The following ZC3H13 variants were observed in gnomAD, a reference collection of about 807,000 sequenced individuals.
ZC3H13 encodes zinc finger CCCH domain-containing protein 13.
In ZC3H13, 64 loss-of-function variants were observed where a neutral mutation model predicts 204.1. The ratio of observed to expected loss-of-function variants is 0.31; its 90% CI spans 0.26 to 0.39. The LOEUF is 0.39. Among genes scored for constraint, ZC3H13 ranks in the 10% least tolerant of loss-of-function variants. The pLI, the probability that ZC3H13 is intolerant of heterozygous loss-of-function variation, is 1.00. For synonymous variants in ZC3H13, 667 were observed against 693.7 expected (o/e 0.96, Z 0.60); for missense variants, 1,833 against 2,082.7 (o/e 0.88, Z 2.33).
At chr13:46,035,381 C>G (rs1186366530) in intron 4 of ZC3H13, among the ~76,000 whole-genome samples, 2 of 152,172 alleles carry the variant, frequency 1.3e-5, no homozygotes, top group Non-Finnish European at 2.9e-5. Context: ...TGTTTTACAT[C>G]AAGGAATAGC....
chr13:45,998,489 C>CA lies in ZC3H13; in HGVS notation c.944+4649dup, dbSNP rs879538790. 3.6e-3 allele frequency among the ~76,000 whole-genome samples: 531 copies of CA among 147,892 alleles called. 2 individuals are homozygous for CA. Among genetic ancestry groups the CA allele is most frequent in the Non-Finnish European group, 4.3e-3 (285 of 66,676 alleles). On this transcript the variant is annotated intron_variant, in intron 8 of 18. Coordinates refer to ENST00000679008, the MANE Select transcript of ZC3H13 (RefSeq NM_001330564.2). ...TGAAACCCCATCTCTACTAAAAATA[C>CA]AAAAAAAAAATTAGCTGGGCGTGGT... is the stretch of plus-strand genomic sequence containing the variant.
intron 4 of ZC3H13, among the ~76,000 whole-genome samples, chr13:46,027,420 T>C (rs1321441705): frequency 4.6e-5 from 7 of 152,242 alleles, no homozygotes; most frequent in Non-Finnish European, 8.8e-5. Flanking sequence ...CTGTGTCTGG[T>C]GAGATTTCTT....
intron 7 of ZC3H13, 87 bp downstream of exon 7, chr13:46,010,261 A>G: frequency 7.7e-7 from 1 of 1,303,328 alleles, no homozygotes; most frequent in Non-Finnish European, 1.0e-6. Context: ...AAAATGTACT[A>G]AAAGTACCCT....
At chr13:45,978,130 G>C (rs960696116) in intron 11 of ZC3H13, among the ~76,000 whole-genome samples, 4 of 152,044 alleles carry the variant, frequency 2.6e-5, no homozygotes, top group African/African-American at 9.7e-5. Context: ...TCTTTAGGCA[G>C]CTTTCTTGGA....
chr13:45,967,993 T>A lies in ZC3H13; in HGVS notation c.3832A>T (p.Ser1278Cys). 1 of 1,610,394 alleles carries A rather than the reference T, an allele frequency of 6.2e-7. No individual in the cohort carries two copies. The highest frequency in any genetic ancestry group is 8.5e-7 in the Non-Finnish European group (1 of 1,178,632). The change falls in exon 15 of 19, where the codon AGT becomes TGT. Residue 1278 changes from serine (S) to cysteine (C), a missense_variant. Transcript: ENST00000679008. ...QDSRSHSSRR[S>C]SPESDRQVHS... Reference sequence around the variant, plus strand: ...ACCTGTCGATCTGACTCTGGAGAACTTCTTCTTGAACTATGGCTTCTTGAA... The same window carrying A: ...ACCTGTCGATCTGACTCTGGAGAACATCTTCTTGAACTATGGCTTCTTGAA...
intron 4 of ZC3H13, among the ~76,000 whole-genome samples, chr13:46,023,922 G>C (rs1471604857): frequency 2.6e-5 from 4 of 152,172 alleles, no homozygotes; most frequent in Non-Finnish European, 5.9e-5. Context: ...CCTTCCTTCA[G>C]AGTGACTAGG....
chr13:46,010,910 A>G (rs1224652335), intron 6 of ZC3H13, among the ~76,000 whole-genome samples: 1 of 152,084 alleles, frequency 6.6e-6, no homozygotes, highest in African/African-American at 2.4e-5. Flanking sequence ...ATAAAAATAA[A>G]AATAATAAAA....
intron 18 of ZC3H13, among the ~76,000 whole-genome samples, chr13:45,958,760 T>A (rs187016586): frequency 1.1e-4 from 16 of 150,382 alleles, no homozygotes; most frequent in Admixed American, 3.3e-4. Flanking sequence ...GTTTACGCCA[T>A]TCTCCTGCCT....
intron 1 of ZC3H13, among the ~76,000 whole-genome samples, chr13:46,051,707 C>G (rs2044434071): frequency 6.6e-6 from 1 of 152,226 alleles, no homozygotes; most frequent in African/African-American, 2.4e-5. Flanking sequence ...CCATAATTTT[C>G]AAAGTAGTTC....
At chr13:46,014,259 C>A (rs1288677267) in intron 5 of ZC3H13, among the ~76,000 whole-genome samples, 3 of 151,858 alleles carry the variant, frequency 2.0e-5, no homozygotes, top group Non-Finnish European at 4.4e-5. Flanking sequence ...GTGGTTTGTA[C>A]CTATAGGTAC....
At chr13:46,015,141 C>T (rs865848950) in intron 5 of ZC3H13, among the ~76,000 whole-genome samples, 1 of 152,130 alleles carries the variant, frequency 6.6e-6, no homozygotes, top group Non-Finnish European at 1.5e-5. Context: ...CTCCAAAACT[C>T]CTTTACCAAT....
intron 15 of ZC3H13, among the ~76,000 whole-genome samples, chr13:45,966,115 C>T (rs1287848128): frequency 6.6e-6 from 1 of 152,082 alleles, no homozygotes; most frequent in Admixed American, 6.6e-5. Context: ...TTTTCAACCA[C>T]CTATGCTAAA....
chr13:46,043,965 C>A (rs2043765049), intron 3 of ZC3H13, among the ~76,000 whole-genome samples: 1 of 151,790 alleles, frequency 6.6e-6, no homozygotes, highest in African/African-American at 2.4e-5. Context: ...CAAGTAAACA[C>A]ACATATACAA....
intron 4 of ZC3H13, among the ~76,000 whole-genome samples, chr13:46,028,895 C>T (rs2042704716): frequency 6.6e-6 from 1 of 151,658 alleles, no homozygotes; most frequent in Non-Finnish European, 1.5e-5. Context: ...TAGAAAACAA[C>T]AAAAAGAACA....
intron 12 of ZC3H13, 107 bp from the exon 13 acceptor site, chr13:45,970,572 G>C (rs1952503796): frequency 1.2e-6 from 1 of 847,848 alleles, no homozygotes; most frequent in South Asian, 1.8e-5. Context: ...TATAATTGTA[G>C]GAAAGCAATA....
Position 46,009,390 on chromosome 13 carries a change from C to G in ZC3H13, c.746+958G>C, listed in dbSNP as rs1044348072. Among the ~76,000 whole-genome samples, 3 of 152,194 alleles carry G rather than the reference C, an allele frequency of 2.0e-5. No homozygotes were observed. The South Asian group carries it at 6.2e-4, about 32-fold the overall frequency. On this transcript the variant is annotated intron_variant, in intron 7 of 18. Coordinates refer to ENST00000679008, the MANE Select transcript of ZC3H13 (RefSeq NM_001330564.2). ...CTACAAAATAAATGGGTTGAGGTAG[C>G]TGAATGAAAATGTTCACCTGTGTGG...
intron 5 of ZC3H13, among the ~76,000 whole-genome samples, chr13:46,015,451 T>C (rs1231962203): frequency 2.6e-5 from 4 of 152,194 alleles, no homozygotes; most frequent in African/African-American, 9.6e-5. Flanking sequence ...TGTTTTTAAC[T>C]TCTGCATTTA....
At chr13:45,970,313 G>A (rs1268787966) in intron 13 of ZC3H13, 49 bp downstream of exon 13, 4 of 1,583,942 alleles carry the variant, frequency 2.5e-6, no homozygotes, top group African/African-American at 2.7e-5. Flanking sequence ...TGGTTTCATG[G>A]TTACAAATGA....
intron 4 of ZC3H13, among the ~76,000 whole-genome samples, chr13:46,038,922 T>C (rs2043384082): frequency 6.6e-6 from 1 of 152,118 alleles, no homozygotes. Context: ...CTTGGGAGGC[T>C]GAGGCTGGAG....
Sources: gnomAD v4.1 joint callset for allele counts (sites outside exome capture counted in the v4.1 genomes callset) on GRCh38, gnomAD v4.1.1 for gene constraint, MANE v1.5 for transcripts, NCBI Gene and HGNC (gene_info 2026-07-23, HGNC 2026-07-21) for gene names.